Variants in DCDC1 observed in about 807,000 individuals in gnomAD.
DCDC1 encodes doublecortin domain containing 1.
A neutral mutation model predicts 178.3 loss-of-function variants in DCDC1; 200 were observed. The ratio of observed to expected loss-of-function variants is 1.12; its 90% CI spans 1.00 to 1.26. DCDC1 has a LOEUF of 1.26. Ranked by LOEUF, DCDC1 falls within the 50% of genes most tolerant of loss-of-function variation. DCDC1 has a pLI of 0.00. For missense variants in DCDC1, 1,983 were observed against 1,749.2 expected (o/e 1.13, Z -2.38); for synonymous variants, 690 against 604.8 (o/e 1.14, Z -2.07).
At chr11:31,320,718 G>A (rs1344232902) in intron 3 of DCDC1, among the ~76,000 whole-genome samples, 17 of 19,852 alleles carry the variant, frequency 8.6e-4, no homozygotes, top group African/African-American at 4.9e-3. Context: ...TCCTTTGGAG[G>A]AGGAGAGGCG....
intron 38 of DCDC1, among the ~76,000 whole-genome samples, chr11:30,872,417 T>A (rs1204568594): frequency 6.6e-6 from 1 of 152,108 alleles, no homozygotes; most frequent in Non-Finnish European, 1.5e-5. Flanking sequence ...ATTGATGATA[T>A]GTTGAAATGC....
At chr11:30,909,388 C>T (rs1326877539) in intron 28 of DCDC1, among the ~76,000 whole-genome samples, 1 of 152,014 alleles carries the variant, frequency 6.6e-6, no homozygotes, top group Non-Finnish European at 1.5e-5. Flanking sequence ...GAACCTTTTT[C>T]TAACATCTTT....
At chr11:31,244,369 A>G (rs1006116266) in intron 8 of DCDC1, among the ~76,000 whole-genome samples, 2 of 151,672 alleles carry the variant, frequency 1.3e-5, no homozygotes, top group African/African-American at 4.8e-5. Flanking sequence ...CTCTTAACCA[A>G]TGGTTTTCTT....
In DCDC1 at chr11:31,305,654, T is replaced by C. The variant is rs545805212; in HGVS notation, c.715A>G (p.Thr239Ala). The C allele has an allele frequency of 6.2e-6, 10 of 1,613,896 alleles. No individual in the cohort carries two copies. In the South Asian group the frequency reaches 1.1e-4, roughly 18 times the overall value. The change falls in exon 6 of 39, where the codon ACG (threonine) becomes GCG (alanine). Residue 239 changes from threonine to alanine, a missense_variant. Thr to Ala is a moderately conservative substitution (Grantham distance 58, BLOSUM62 0). Coordinates refer to ENST00000684477, the MANE Select transcript of DCDC1 (RefSeq NM_001387274.1). ...IPHEADVYVS[T>A]GEPFLNPFKK... is the part of the protein sequence containing the mutation. The stretch of plus-strand genomic sequence containing the variant: ...AATGGATTTAAAAAGGGCTCTCCCG[T>C]TGAAACATAAACATCGGCTTCATGG...
At chr11:31,238,993 A>G (rs1200978769) in intron 9 of DCDC1, among the ~76,000 whole-genome samples, 3 of 152,104 alleles carry the variant, frequency 2.0e-5, no homozygotes, top group Admixed American at 6.6e-5. Context: ...TTAAAGCTAT[A>G]TTATCGCAAT....
At chr11:30,883,567 A>G (rs546777776) in intron 36 of DCDC1, 19 of 353,462 alleles carry the variant, frequency 5.4e-5, no homozygotes, top group African/African-American at 4.0e-4. Flanking sequence ...TTTAAATATT[A>G]CAAAGCAAAA....
Position 30,991,154 on chromosome 11 carries a change from A to G in DCDC1, c.2592-38586T>C, listed in dbSNP as rs148999580. ...GGCTGGCTTGAAACAGCAGGTGTTC[A>G]GCTGTAATGAGAACCCAAGACCTCA... On this transcript the variant is annotated intron_variant, in intron 20 of 38. Coordinates refer to ENST00000684477, the MANE Select transcript of DCDC1 (RefSeq NM_001387274.1). 1.2e-3 allele frequency among the ~76,000 whole-genome samples: 177 copies of G among 152,242 alleles called. 1 individual carries two copies. Among genetic ancestry groups the G allele is most frequent in the African/African-American group, 3.9e-3 (160 of 41,544 alleles).
At chr11:30,928,902 CTTA>C (rs1278391046) in intron 22 of DCDC1, among the ~76,000 whole-genome samples, 6 of 151,416 alleles carry the variant, frequency 4.0e-5, no homozygotes, top group Non-Finnish European at 5.9e-5. Flanking sequence ...CATATATTGT[CTTA>C]TTATTAACCC....
intron 20 of DCDC1, among the ~76,000 whole-genome samples, chr11:30,963,236 T>C (rs914806844): frequency 2.0e-5 from 3 of 152,178 alleles, no homozygotes; most frequent in East Asian, 1.9e-4. Context: ...TTTGATATTA[T>C]ATAACTCCCA....
chr11:30,968,164 A>C (rs771418586), intron 20 of DCDC1, among the ~76,000 whole-genome samples: 15 of 152,196 alleles, frequency 9.9e-5, no homozygotes, highest in Non-Finnish European at 1.6e-4. Flanking sequence ...TACCAGTGAC[A>C]CAGGTGATCA....
At chr11:31,075,708 C>T (rs1296418657) in intron 18 of DCDC1, among the ~76,000 whole-genome samples, 4 of 152,330 alleles carry the variant, frequency 2.6e-5, no homozygotes, top group East Asian at 3.9e-4. Context: ...ATGTCTATCA[C>T]GTCCTTCGCC....
intron 7 of DCDC1, among the ~76,000 whole-genome samples, chr11:31,277,196 C>G (rs1297823210): frequency 1.3e-5 from 2 of 152,044 alleles, no homozygotes; most frequent in Non-Finnish European, 2.9e-5. Flanking sequence ...AATAGTTCGT[C>G]TGTTCTACAA....
Position 31,158,779 on chromosome 11 carries a change from T to C in DCDC1, c.1222-20995A>G, listed in dbSNP as rs186313913. ...TCAATTTTTTCAAACTGTGGTAACATTTCTTAGGAGACACAGAAAAATTGA... is the reference window on the plus strand; with the variant it reads ...TCAATTTTTTCAAACTGTGGTAACACTTCTTAGGAGACACAGAAAAATTGA... On this transcript the variant is annotated intron_variant, in intron 9 of 38. Coordinates refer to ENST00000684477, the MANE Select transcript of DCDC1 (RefSeq NM_001387274.1). 2.6e-3 allele frequency among the ~76,000 whole-genome samples: 397 copies of C among 152,262 alleles called. 1 individual carries two copies. The highest frequency in any genetic ancestry group is 4.3e-3 in the Non-Finnish European group (291 of 68,018).
At position 31,223,629 on chromosome 11, in the gene DCDC1, G is replaced by A. The variant is rs144051853; in HGVS notation, c.1221+17821C>T. On this transcript the variant is annotated intron_variant, in intron 9 of 38. Coordinates refer to ENST00000684477, the MANE Select transcript of DCDC1 (RefSeq NM_001387274.1). ...TCTGTCAACAAGTAATAAGTAGACTGTAGTATGTTCATACAATAAAATGAA... is the reference window on the plus strand; with the variant it reads ...TCTGTCAACAAGTAATAAGTAGACTATAGTATGTTCATACAATAAAATGAA... 4.5e-3 allele frequency among the ~76,000 whole-genome samples: 692 copies of A among 152,224 alleles called. 6 individuals carry two copies. The highest frequency in any genetic ancestry group is 0.016 in the African/African-American group (666 of 41,544).
chr11:31,252,505 C>A (rs1202594613), intron 8 of DCDC1, among the ~76,000 whole-genome samples: 2 of 151,918 alleles, frequency 1.3e-5, no homozygotes, highest in Non-Finnish European at 1.5e-5. Flanking sequence ...AATAATAATG[C>A]AATTTTAGGT....
intron 9 of DCDC1, among the ~76,000 whole-genome samples, chr11:31,198,028 T>C (rs1324721303): frequency 1.3e-5 from 2 of 152,062 alleles, no homozygotes; most frequent in African/African-American, 4.8e-5. Flanking sequence ...AATGTGTATG[T>C]GTATTTTATG....
At chr11:31,134,349 G>A (rs1962858173) in intron 10 of DCDC1, among the ~76,000 whole-genome samples, 1 of 152,154 alleles carries the variant, frequency 6.6e-6, no homozygotes, top group Non-Finnish European at 1.5e-5. Context: ...CCATCCCCAG[G>A]TTAGCACCAA....
At chr11:30,898,208 C>A (rs1277909129) in intron 34 of DCDC1, among the ~76,000 whole-genome samples, 1 of 152,118 alleles carries the variant, frequency 6.6e-6, no homozygotes, top group Non-Finnish European at 1.5e-5. Flanking sequence ...AATAGGAAAC[C>A]TTGCAAGATT....
intron 9 of DCDC1, among the ~76,000 whole-genome samples, chr11:31,186,275 T>C (rs1166390273): frequency 6.6e-6 from 1 of 152,184 alleles, no homozygotes; most frequent in Non-Finnish European, 1.5e-5. Context: ...AAACTCTCCT[T>C]ACTCATTTTA....
Sources: allele counts gnomAD v4.1 joint callset (sites outside exome capture counted in the v4.1 genomes callset), GRCh38; gene constraint gnomAD v4.1.1; transcripts MANE v1.5; gene names NCBI Gene and HGNC (gene_info 2026-07-23, HGNC 2026-07-21).